BOLA3: variants seen among roughly 807,000 people sequenced by gnomAD.
The protein encoded by BOLA3 is bolA family member 3.
Under a neutral mutation model 14.5 loss-of-function variants are expected in BOLA3, and 8 were observed. The ratio of observed to expected loss-of-function variants is 0.55; its 90% CI spans 0.32 to 0.99. The LOEUF (loss-of-function observed/expected upper bound fraction) is 0.99. Ranked by LOEUF, BOLA3 falls within the 50% of genes least tolerant of loss-of-function variation. The probability of loss-of-function intolerance (pLI) is 0.04; values close to 1 mark genes in which losing one functional copy is unlikely to be tolerated. For synonymous variants in BOLA3, 42 were observed against 45.7 expected (o/e 0.92, Z 0.33); for missense variants, 115 against 138.2 (o/e 0.83, Z 0.84).
chr2:74,144,649 C>T (rs1179129320), intron 2 of BOLA3, among the ~76,000 whole-genome samples: 1 of 152,214 alleles, frequency 6.6e-6, no homozygotes, highest in Non-Finnish European at 1.5e-5. Flanking sequence ...AGAAGGACAG[C>T]GCTTGGCTGG....
chr2:74,135,400 T>C lies in BOLA3; in HGVS notation c.*193A>G, dbSNP rs2103633320. ...ATAAAGGAACCTGAAACATTACTAATGACCCTTCAAAAGCTTCAGTTGTTT... is the reference window on the plus strand; with the variant it reads ...ATAAAGGAACCTGAAACATTACTAACGACCCTTCAAAAGCTTCAGTTGTTT... On this transcript the variant is annotated 3_prime_UTR_variant, in exon 4 of 4. Coordinates refer to ENST00000327428, the MANE Select transcript of BOLA3 (RefSeq NM_212552.3). 1.1e-6 allele frequency: 1 copy of C among 908,380 alleles called. No homozygotes were observed. Among genetic ancestry groups the C allele is most frequent in the Non-Finnish European group, 1.7e-6 (1 of 573,536 alleles). 56.3% of individuals were successfully genotyped at this position (908,380 alleles called of 1,614,324 possible).
chr2:74,141,528 G>A lies in BOLA3; in HGVS notation c.258+744C>T, dbSNP rs1234869805. 2.0e-5 allele frequency among the ~76,000 whole-genome samples: 3 copies of A among 152,128 alleles called. No homozygotes were observed. The East Asian group carries it at 5.8e-4, about 29-fold the overall frequency. On this transcript the variant is annotated intron_variant, in intron 3 of 3. Coordinates refer to ENST00000327428, the MANE Select transcript of BOLA3 (RefSeq NM_212552.3). ...AGAGAAAGAGAGAGACCAGCGGGCA[G>A]AGGCCGGCTGGGAGGGTGCACGCAG...
intron 3 of BOLA3, among the ~76,000 whole-genome samples, chr2:74,136,089 A>AAG (rs1692321725): frequency 6.6e-6 from 1 of 152,100 alleles, no homozygotes. Context: ...AGCTGGGACT[A>AAG]CAGGCACATG....
intron 1 of BOLA3, chr2:74,145,712 G>C: frequency 3.3e-6 from 1 of 300,038 alleles, no homozygotes. Flanking sequence ...GCCTGCCTCA[G>C]ATCCATACCA....
Position 74,135,634 on chromosome 2 carries a change from T to A in BOLA3, c.283A>T (p.Met95Leu). The change falls in exon 4 of 4, where the codon ATG (methionine) becomes TTG (leucine). Residue 95 changes from methionine to leucine, a missense_variant. Transcript: ENST00000327428. ...NQALKEEIKE[M>L]HGLRIFTSVP... is the part of the protein sequence containing the mutation. ...GAGGTAAATATCCGCAATCCATGCA[T>A]CTCTTTGATTTCTTCTTTTAGTGCC... The A allele has an allele frequency of 6.2e-7, 1 of 1,613,912 alleles. No individual in the cohort carries two copies. The highest frequency in any genetic ancestry group is 1.3e-5 in the African/African-American group (1 of 75,042).
chr2:74,142,874 C>G (rs1276935259), intron 2 of BOLA3, among the ~76,000 whole-genome samples: 1 of 152,178 alleles, frequency 6.6e-6, no homozygotes, highest in Non-Finnish European at 1.5e-5. Context: ...CATGGAGCTG[C>G]TCGGGGCTGT....
chr2:74,138,874 A>T (rs930122790), intron 3 of BOLA3, among the ~76,000 whole-genome samples: 1 of 151,350 alleles, frequency 6.6e-6, no homozygotes, highest in African/African-American at 2.4e-5. Flanking sequence ...CTCAAATCTC[A>T]CCTCTGTCCA....
chr2:74,142,724 C>T (rs1259521648), intron 2 of BOLA3, among the ~76,000 whole-genome samples: 2 of 152,212 alleles, frequency 1.3e-5, no homozygotes, highest in African/African-American at 4.8e-5. Context: ...TTCAGCGTTC[C>T]AGCTTCCAAA....
chr2:74,147,672 T>C (rs1422842122), intron 1 of BOLA3, 149 bp downstream of exon 1: 1 of 738,128 alleles, frequency 1.4e-6, no homozygotes, highest in Non-Finnish European at 2.3e-6. Context: ...AATGAAAGAA[T>C]GAATGAGAGA....
At chr2:74,136,019 G>A (rs888768335) in intron 3 of BOLA3, among the ~76,000 whole-genome samples, 1 of 150,434 alleles carries the variant, frequency 6.6e-6, no homozygotes, top group African/African-American at 2.4e-5. Flanking sequence ...GCGCGATATC[G>A]GCTTACTGCA....
intron 3 of BOLA3, 144 bp from the exon 4 acceptor site, chr2:74,135,802 A>T (rs1257277105): frequency 8.2e-5 from 55 of 667,492 alleles, no homozygotes; most frequent in Non-Finnish European, 2.1e-5. Flanking sequence ...TTTGAAAAAC[A>T]ATTTTTTTTA....
rs1370794593 is a variant in BOLA3, at chr2:74,145,260, T to G, written c.98A>C (p.Glu33Ala). The G allele has an allele frequency of 1.1e-5, 17 of 1,611,504 alleles. No homozygotes were observed. In the African/African-American group the frequency reaches 1.7e-4, roughly 16 times the overall value. ...TTTGAGAATTTGGGTCACTCTGAGC[T>G]CCCCCTCAGTCTGAGTGGCAAACAT... is the stretch of plus-strand genomic sequence containing the variant. ...HRMFATQTEG[E>A]LRVTQILKEK... is the part of the protein sequence containing the mutation. The change falls in exon 2 of 4, where the codon GAG becomes GCG. Residue 33 changes from glutamate to alanine, a missense_variant. Coordinates refer to ENST00000327428, the MANE Select transcript of BOLA3 (RefSeq NM_212552.3).
At chr2:74,147,694 G>GC (rs1299666226) in intron 1 of BOLA3, 127 bp downstream of exon 1, 50 of 781,354 alleles carry the variant, frequency 6.4e-5, no homozygotes, top group Middle Eastern at 3.5e-4. Context: ...AGGAAGAGGA[G>GC]CCCCCCATTG....
chr2:74,141,735 A>G (rs541516574), intron 3 of BOLA3, among the ~76,000 whole-genome samples: 1 of 152,322 alleles, frequency 6.6e-6, no homozygotes, highest in South Asian at 2.1e-4. Context: ...TCATAGGTAC[A>G]GGTACAAGGG....
chr2:74,143,162 CT>C (rs11420248), intron 2 of BOLA3, among the ~76,000 whole-genome samples: 2,999 of 149,084 alleles, frequency 0.02, 90 homozygotes, highest in African/African-American at 0.069. Context: ...TGCTCTGCTT[CT>C]TTTTTTTTTT....
intron 2 of BOLA3, 68 bp from the exon 3 acceptor site, chr2:74,142,428 T>C: frequency 8.6e-7 from 1 of 1,168,136 alleles, no homozygotes; most frequent in Non-Finnish European, 1.3e-6. Context: ...CATATATCCT[T>C]GAAGTACTGT....
intron 3 of BOLA3, among the ~76,000 whole-genome samples, chr2:74,139,048 T>C (rs1692387890): frequency 6.6e-6 from 1 of 152,064 alleles, no homozygotes; most frequent in Non-Finnish European, 1.5e-5. Flanking sequence ...CAGTAAGTAT[T>C]TCCCAAGAGA....
chr2:74,145,097 A>C lies in BOLA3; in HGVS notation c.169+92T>G, dbSNP rs533853784. Reference sequence around the variant, plus strand: ...ACATCTTGAGAAGCCACTCACCAGCAGCAAGCCCCCTCCTCCAAGCCCCTG... The same window carrying C: ...ACATCTTGAGAAGCCACTCACCAGCCGCAAGCCCCCTCCTCCAAGCCCCTG... On this transcript the variant is annotated intron_variant, in intron 2 of 3. Coordinates refer to ENST00000327428, the MANE Select transcript of BOLA3 (RefSeq NM_212552.3). 3.8e-6 allele frequency: 3 copies of C among 783,376 alleles called. No individual in the cohort carries two copies. In the East Asian group the frequency reaches 7.5e-5, roughly 19 times the overall value. The allele number at this position is 783,376 out of a possible 1,614,324, so 48.5% of individuals were successfully genotyped here. A position where few individuals can be genotyped will look rare whatever the true frequency, so the allele number is the denominator to read the frequency against.
In BOLA3 at chr2:74,145,771, C is replaced by T. The variant is rs114301538; in HGVS notation, c.55-468G>A. Reference sequence around the variant, plus strand: ...GGTGGGGCCAAATTCCACACTCCCTCGCCTTTAGGCCTGATTAACATGTCT... The same window carrying T: ...GGTGGGGCCAAATTCCACACTCCCTTGCCTTTAGGCCTGATTAACATGTCT... On this transcript the variant is annotated intron_variant, in intron 1 of 3. Coordinates refer to ENST00000327428, the MANE Select transcript of BOLA3 (RefSeq NM_212552.3). 935 of 215,838 alleles carry T rather than the reference C, an allele frequency of 4.3e-3. 13 individuals are homozygous for T. Among genetic ancestry groups the T allele is most frequent in the African/African-American group, 0.02 (897 of 43,766 alleles). The allele number at this position is 215,838 out of a possible 1,614,324, so 13.4% of individuals were successfully genotyped here.
Sources: gnomAD v4.1 joint callset for allele counts (sites outside exome capture counted in the v4.1 genomes callset) on GRCh38, gnomAD v4.1.1 for gene constraint, MANE v1.5 for transcripts, NCBI Gene and HGNC (gene_info 2026-07-23, HGNC 2026-07-21) for gene names.